Variants in DHCR24 observed in about 807,000 individuals in gnomAD.
The protein encoded by DHCR24 is delta(24)-sterol reductase.
A neutral mutation model predicts 61.2 loss-of-function variants in DHCR24; 28 were observed. The observed-to-expected ratio is 0.46, with a 90% CI of 0.34 to 0.63. The LOEUF is 0.63. DHCR24 is among the 20% of genes least tolerant of loss of function. The pLI is 0.01. For missense variants in DHCR24, 538 were observed against 679.1 expected (o/e 0.79, Z 2.31); for synonymous variants, 261 against 275.9 (o/e 0.95, Z 0.54).
In DHCR24 at chr1:54,852,181, G is replaced by A. The variant is rs572801569; in HGVS notation, c.*52C>T. 64 of 1,609,620 alleles carry A rather than the reference G, an allele frequency of 4.0e-5. No individual in the cohort carries two copies. Among genetic ancestry groups the A allele is most frequent in the Non-Finnish European group, 4.6e-5 (54 of 1,176,968 alleles). ...AGGAAAGCAGCCAAGCTTGAGTGAA[G>A]GGAAGATGCCTGACCACTCACACGT... is the stretch of plus-strand genomic sequence containing the variant. On this transcript the variant is annotated 3_prime_UTR_variant, in exon 9 of 9. Transcript: ENST00000371269.
In DHCR24 at chr1:54,849,637, A is replaced by C. The variant is rs1646863027; in HGVS notation, c.*2596T>G. On this transcript the variant is annotated 3_prime_UTR_variant, in exon 9 of 9. Coordinates refer to ENST00000371269, the MANE Select transcript of DHCR24 (RefSeq NM_014762.4). ...CAAGAAACGACAAACGCCAGCTTCC[A>C]GGCCACTTTTATTTAAACAGAAGCA... 1 of 152,574 alleles carries C rather than the reference A, an allele frequency of 6.6e-6. No individual in the cohort carries two copies. 9.5% of individuals were successfully genotyped at this position (152,574 alleles called of 1,614,324 possible).
chr1:54,852,451 C>T (rs1646881412), intron 8 of DHCR24, 65 bp from the exon 9 acceptor site: 2 of 1,571,302 alleles, frequency 1.3e-6, no homozygotes, highest in Non-Finnish European at 1.7e-6. Context: ...GTGAGAGAAA[C>T]CCAACTGCTC....
At chr1:54,886,802 C>A in intron 1 of DHCR24, 87 bp downstream of exon 1, 1 of 1,553,968 alleles carries the variant, frequency 6.4e-7, no homozygotes, top group Non-Finnish European at 8.7e-7. Context: ...GCCCCCGCAC[C>A]GCAGCTCCCG....
intron 6 of DHCR24, among the ~76,000 whole-genome samples, chr1:54,862,182 C>T (rs1389561267): frequency 6.6e-6 from 1 of 150,470 alleles, no homozygotes; most frequent in African/African-American, 2.5e-5. Flanking sequence ...GCCATCTCTC[C>T]CATCTTAAAG....
At position 54,871,629 on chromosome 1, in the gene DHCR24, G is replaced by A; in HGVS notation, c.613-16C>T. The A allele has an allele frequency of 6.2e-7, 1 of 1,614,170 alleles. No homozygotes were observed. The highest frequency in any genetic ancestry group is 8.5e-7 in the Non-Finnish European group (1 of 1,180,030). ...AGTTTTCGGACTGTGAGACAGAATT[G>A]ATGTGTTGTGAGCTGAAACCTTGGG... On this transcript the variant is annotated splice_polypyrimidine_tract_variant and intron_variant, in intron 4 of 8. Coordinates refer to ENST00000371269, the MANE Select transcript of DHCR24 (RefSeq NM_014762.4).
intron 5 of DHCR24, among the ~76,000 whole-genome samples, chr1:54,870,277 A>G (rs1037931496): frequency 3.9e-5 from 6 of 152,186 alleles, no homozygotes; most frequent in Non-Finnish European, 8.8e-5. Context: ...AAGAATGCAC[A>G]CAAAACTGTT....
intron 1 of DHCR24, chr1:54,886,555 G>C: frequency 3.0e-6 from 4 of 1,313,070 alleles, no homozygotes; most frequent in Non-Finnish European, 4.0e-6. Flanking sequence ...CCAATCTCTA[G>C]ACCCAGCTCC....
At position 54,886,922 on chromosome 1, in the gene DHCR24, C is replaced by G; in HGVS notation, c.198G>C (p.Leu66=). The change falls in exon 1 of 9, where the codon CTG becomes CTC. Residue 66 remains leucine, a synonymous_variant. Transcript: ENST00000371269. ...GGATGTCCCGCACGCGCTGCTCGTG[C>G]AGGCGCGGAGCGCTGCTGAGCTTGA... ...VVFKLSSAPR[L]HEQRVRDIQK... 6.2e-7 allele frequency: 1 copy of G among 1,613,374 alleles called. No homozygotes were observed. The highest frequency in any genetic ancestry group is 8.5e-7 in the Non-Finnish European group (1 of 1,179,632).
chr1:54,874,128 T>C (rs1647013822), intron 4 of DHCR24, among the ~76,000 whole-genome samples: 1 of 152,212 alleles, frequency 6.6e-6, no homozygotes, highest in Admixed American at 6.5e-5. Context: ...GTTTATAAAG[T>C]AAAAATGTTA....
chr1:54,861,778 C>A (rs1262703884), intron 6 of DHCR24, among the ~76,000 whole-genome samples: 1 of 152,152 alleles, frequency 6.6e-6, no homozygotes, highest in Non-Finnish European at 1.5e-5. Context: ...CCCTGGTAGG[C>A]CCAGTGCTGC....
At chr1:54,879,293 A>G (rs1274271717) in intron 2 of DHCR24, among the ~76,000 whole-genome samples, 1 of 140,318 alleles carries the variant, frequency 7.1e-6, no homozygotes, top group Non-Finnish European at 1.5e-5. Context: ...CACCCAGTCC[A>G]ACCTGGAGGA....
intron 2 of DHCR24, 86 bp from the exon 3 acceptor site, chr1:54,876,133 A>G (rs1647027202): frequency 1.0e-6 from 1 of 959,792 alleles, no homozygotes; most frequent in African/African-American, 1.6e-5. Context: ...TGTCATCTCA[A>G]ACCTTCCCAA....
rs1646878220 is a variant in DHCR24, at chr1:54,852,096, G to A, written c.*137C>T. The A allele has an allele frequency of 3.0e-6, 3 of 999,832 alleles. No individual in the cohort carries two copies. Among genetic ancestry groups the A allele is most frequent in the Non-Finnish European group, 4.4e-6 (3 of 677,660 alleles). The allele number at this position is 999,832 out of a possible 1,614,324, so 61.9% of individuals were successfully genotyped here. A position where few individuals can be genotyped will look rare whatever the true frequency, so the allele number is the denominator to read the frequency against. On this transcript the variant is annotated 3_prime_UTR_variant, in exon 9 of 9. Transcript: ENST00000371269. The stretch of plus-strand genomic sequence containing the variant: ...CTGCCCCCTGGAAGCCAGGAGGAAG[G>A]TGGTGTTGGGCTGTCAGGGTGGGAG...
In DHCR24 at chr1:54,854,028, C is replaced by G. The variant is rs112191230; in HGVS notation, c.1218+9G>C. 10 of 1,610,210 alleles carry G rather than the reference C, an allele frequency of 6.2e-6. No individual in the cohort carries two copies. The highest frequency in any genetic ancestry group is 1.3e-5 in the African/African-American group (1 of 74,846). On this transcript the variant is annotated intron_variant, in intron 7 of 8. Coordinates refer to ENST00000371269, the MANE Select transcript of DHCR24 (RefSeq NM_014762.4). ...ACCTGGTGCGCCCTCCCTGCCCTGC[C>G]CCACTCACGTGGATGTCGTTTTGGA...
chr1:54,870,503 T>C (rs1479313792), intron 5 of DHCR24, among the ~76,000 whole-genome samples: 1 of 152,242 alleles, frequency 6.6e-6, no homozygotes, highest in Non-Finnish European at 1.5e-5. Context: ...CATAAAATGA[T>C]TTAGTATTTG....
intron 2 of DHCR24, among the ~76,000 whole-genome samples, chr1:54,880,399 A>C (rs553104117): frequency 2.6e-5 from 4 of 152,352 alleles, no homozygotes; most frequent in Admixed American, 2.6e-4. Flanking sequence ...TTTCTATAAA[A>C]ATTCTACAAT....
At chr1:54,873,676 G>T (rs1647011561) in intron 4 of DHCR24, among the ~76,000 whole-genome samples, 1 of 152,278 alleles carries the variant, frequency 6.6e-6, no homozygotes, top group East Asian at 1.9e-4. Flanking sequence ...TTGAGACAGG[G>T]TCTTGCTCTG....
chr1:54,875,092 C>T lies in DHCR24; in HGVS notation c.612+1G>A. On this transcript the variant is annotated splice_donor_variant, in intron 4 of 8. Coordinates refer to ENST00000371269, the MANE Select transcript of DHCR24 (RefSeq NM_014762.4). LOFTEE classifies it high-confidence loss of function. ...TGGACATCTCCCATTGCTGAACTCA[C>T]CGGAGTGCATCGCACAAAGCTGCCA... 6.2e-7 allele frequency: 1 copy of T among 1,613,688 alleles called. No individual in the cohort carries two copies. Among genetic ancestry groups the T allele is most frequent in the Non-Finnish European group, 8.5e-7 (1 of 1,179,602 alleles).
At chr1:54,874,890 AC>A (rs1647018338) in intron 4 of DHCR24, among the ~76,000 whole-genome samples, 1 of 152,236 alleles carries the variant, frequency 6.6e-6, no homozygotes, top group African/African-American at 2.4e-5. Flanking sequence ...TTGAAGGATA[AC>A]ATGCATGCCT....
Sources: allele counts gnomAD v4.1 joint callset (sites outside exome capture counted in the v4.1 genomes callset), GRCh38; gene constraint gnomAD v4.1.1; transcripts MANE v1.5; gene names NCBI Gene and HGNC (gene_info 2026-07-23, HGNC 2026-07-21).